ZNF264: variants seen among roughly 807,000 people sequenced by gnomAD.
ZNF264 encodes the protein zinc finger protein 264.
A neutral mutation model predicts 11.2 loss-of-function variants in ZNF264; 11 were observed. The ratio of observed to expected loss-of-function variants is 0.98; its 90% CI spans 0.62 to 1.63. The LOEUF is 1.63. Ranked by LOEUF, ZNF264 falls within the 40% of genes most tolerant of loss-of-function variation. The pLI, the probability that ZNF264 is intolerant of heterozygous loss-of-function variation, is 0.00. For synonymous variants in ZNF264, 309 were observed against 279.8 expected (o/e 1.10, Z -1.04); for missense variants, 752 against 768.1 (o/e 0.98, Z 0.25).
At chr19:57,192,083 A>C in intron 1 of ZNF264, 137 bp downstream of exon 1, 1 of 878,588 alleles carries the variant, frequency 1.1e-6, no homozygotes, top group Non-Finnish European at 1.6e-6. Flanking sequence ...CTGGTTTGCC[A>C]CTTAATTTAT....
intron 2 of ZNF264, among the ~76,000 whole-genome samples, chr19:57,201,673 C>T (rs1041885308): frequency 1.3e-5 from 2 of 151,886 alleles, no homozygotes; most frequent in South Asian, 2.1e-4. Flanking sequence ...ACTGCCCTTG[C>T]GTATCTAGAC....
Position 57,212,693 on chromosome 19 carries a change from C to G in ZNF264, c.1596C>G (p.Ile532Met), listed in dbSNP as rs372147308. 8.1e-6 allele frequency: 13 copies of G among 1,613,876 alleles called. No individual in the cohort carries two copies. The highest frequency in any genetic ancestry group is 1.3e-5 in the African/African-American group (1 of 74,856). The change falls in exon 4 of 4, where the codon ATC (isoleucine) becomes ATG (methionine). Residue 532 changes from isoleucine (I) to methionine (M), a missense_variant. Coordinates refer to ENST00000263095, the MANE Select transcript of ZNF264 (RefSeq NM_003417.5). ...WSTNLIRHAI[I>M]HTGEKPYKCS... ...CAAACCTCATTCGACATGCCATTAT[C>G]CACACTGGAGAGAAGCCCTATAAAT... is the stretch of plus-strand genomic sequence containing the variant.
At position 57,191,832 on chromosome 19, in the gene ZNF264, C is replaced by CG. The variant is rs985419107; in HGVS notation, c.-80dup. On this transcript the variant is annotated 5_prime_UTR_variant, in exon 1 of 4. Transcript: ENST00000263095. Reference sequence around the variant, plus strand: ...AGCGCGCCTGGAAGCCCCGGGCAACCGGCCAGGGTCGGGCACAGGTGGGGT... The same window carrying CG: ...AGCGCGCCTGGAAGCCCCGGGCAACCGGGCCAGGGTCGGGCACAGGTGGGGT... 18 of 1,155,354 alleles carry CG rather than the reference C, an allele frequency of 1.6e-5. No individual in the cohort carries two copies. The African/African-American group carries it at 2.9e-4, about 18-fold the overall frequency. 71.6% of individuals were successfully genotyped at this position (1,155,354 alleles called of 1,614,324 possible).
At chr19:57,193,833 C>A in intron 1 of ZNF264, 42 bp from the exon 2 acceptor site, 1 of 1,608,018 alleles carries the variant, frequency 6.2e-7, no homozygotes, top group Non-Finnish European at 8.5e-7. Flanking sequence ...TCTCATTCAG[C>A]AGCTGAAAGG....
chr19:57,212,812 T>C lies in ZNF264; in HGVS notation c.1715T>C (p.Val572Ala), dbSNP rs1195546022. 1 of 1,614,046 alleles carries C rather than the reference T, an allele frequency of 6.2e-7. No individual in the cohort carries two copies. Among genetic ancestry groups the C allele is most frequent in the Non-Finnish European group, 8.5e-7 (1 of 1,180,038 alleles). ...TGKNPISVTD[V>A]GRPFTSGQTS... Reference sequence around the variant, plus strand: ...AAAAATCCCATCAGTGTAACAGATGTGGGAAGACCTTTTACAAGTGGACAA... The same window carrying C: ...AAAAATCCCATCAGTGTAACAGATGCGGGAAGACCTTTTACAAGTGGACAA... Residue 572 changes from valine (V) to alanine (A), a missense_variant, in exon 4 of 4, where the codon GTG (valine) becomes GCG (alanine). Physicochemically the swap from Val to Ala is moderately conservative, Grantham distance 64. Coordinates refer to ENST00000263095, the MANE Select transcript of ZNF264 (RefSeq NM_003417.5).
intron 2 of ZNF264, among the ~76,000 whole-genome samples, chr19:57,195,567 C>G (rs59871605): frequency 1.4e-4 from 22 of 152,118 alleles, no homozygotes; most frequent in African/African-American, 5.1e-4. Flanking sequence ...GTAGTCCTGC[C>G]TGGATTGGGC....
chr19:57,208,757 A>G (rs907253925), intron 3 of ZNF264, among the ~76,000 whole-genome samples: 20 of 152,184 alleles, frequency 1.3e-4, no homozygotes, highest in African/African-American at 4.6e-4. Flanking sequence ...TTGCAAGATC[A>G]TTCCCTTTGT....
In ZNF264 at chr19:57,213,278, G is replaced by T; in HGVS notation, c.*297G>T. On this transcript the variant is annotated 3_prime_UTR_variant, in exon 4 of 4. Coordinates refer to ENST00000263095, the MANE Select transcript of ZNF264 (RefSeq NM_003417.5). ...TGTCATGGATTTCTTAGTGTATTTG[G>T]GGGAAGGGAAATGTTTCAAGGTAAA... 3.8e-6 allele frequency: 1 copy of T among 261,520 alleles called. No individual in the cohort carries two copies. Among genetic ancestry groups the T allele is most frequent in the Non-Finnish European group, 7.3e-6 (1 of 136,142 alleles). The allele number at this position is 261,520 out of a possible 1,614,324, so 16.2% of individuals were successfully genotyped here.
chr19:57,207,814 C>T (rs1228396812), intron 3 of ZNF264, among the ~76,000 whole-genome samples: 2 of 151,262 alleles, frequency 1.3e-5, no homozygotes, highest in Non-Finnish European at 2.9e-5. Context: ...GCAACCTCCG[C>T]CTCCCAGGTT....
In ZNF264 at chr19:57,219,642, G is replaced by T. The variant is rs1218989160; in HGVS notation, c.*6661G>T. On this transcript the variant is annotated 3_prime_UTR_variant, in exon 4 of 4. Coordinates refer to ENST00000263095, the MANE Select transcript of ZNF264 (RefSeq NM_003417.5). Reference sequence around the variant, plus strand: ...AGTTGCTGTCTTTCTCCTCCAGAGGGTCTGTGTCTTCCTTCCAACTCTTAA... The same window carrying T: ...AGTTGCTGTCTTTCTCCTCCAGAGGTTCTGTGTCTTCCTTCCAACTCTTAA... 1.3e-5 allele frequency: 2 copies of T among 152,252 alleles called. No individual in the cohort carries two copies. Among genetic ancestry groups the T allele is most frequent in the East Asian group, 3.8e-4 (2 of 5,202 alleles). The allele number at this position is 152,252 out of a possible 1,614,324, so 9.4% of individuals were successfully genotyped here. A position where few individuals can be genotyped will look rare whatever the true frequency, so the allele number is the denominator to read the frequency against.
rs999935865 is a variant in ZNF264, at chr19:57,214,883, C to G, written c.*1902C>G. ...GATCAAGTTTTGAATATTGAGCCAG[C>G]CTTGCATCCTTAGAATAAACCATAC... On this transcript the variant is annotated 3_prime_UTR_variant, in exon 4 of 4. Transcript: ENST00000263095. 2.0e-5 allele frequency: 3 copies of G among 152,122 alleles called. No individual in the cohort carries two copies. Among genetic ancestry groups the G allele is most frequent in the African/African-American group, 7.2e-5 (3 of 41,396 alleles). 9.4% of individuals were successfully genotyped at this position (152,122 alleles called of 1,614,324 possible). A position where few individuals can be genotyped will look rare whatever the true frequency, so the allele number is the denominator to read the frequency against.
At chr19:57,207,811 C>G (rs2087304814) in intron 3 of ZNF264, among the ~76,000 whole-genome samples, 3 of 151,486 alleles carry the variant, frequency 2.0e-5, no homozygotes, top group Middle Eastern at 3.5e-3. Context: ...ACTGCAACCT[C>G]CGCCTCCCAG....
intron 1 of ZNF264, 137 bp downstream of exon 1, chr19:57,192,083 A>G: frequency 1.1e-6 from 1 of 878,588 alleles, no homozygotes; most frequent in East Asian, 3.3e-5. Context: ...CTGGTTTGCC[A>G]CTTAATTTAT....
chr19:57,193,571 T>C, intron 1 of ZNF264: 3 of 981,210 alleles, frequency 3.1e-6, no homozygotes, highest in Non-Finnish European at 3.6e-6. Context: ...ATTGCTATTA[T>C]TACCATTTCC....
At chr19:57,203,156 T>C (rs2087265842) in intron 2 of ZNF264, among the ~76,000 whole-genome samples, 1 of 152,186 alleles carries the variant, frequency 6.6e-6, no homozygotes, top group African/African-American at 2.4e-5. Flanking sequence ...GTAAACAGTT[T>C]AGAGCTGGCT....
At chr19:57,195,569 G>A (rs1270885992) in intron 2 of ZNF264, among the ~76,000 whole-genome samples, 1 of 149,546 alleles carries the variant, frequency 6.7e-6, no homozygotes, top group African/African-American at 2.6e-5. Context: ...AGTCCTGCCT[G>A]GATTGGGCTG....
rs370624630 is a variant in ZNF264, at chr19:57,219,754, A to G, written c.*6773A>G. ...GAATGAGATGGTTCCTGCTGAAGAC[A>G]TTTACTTTCAATGATCTACAGAATT... On this transcript the variant is annotated 3_prime_UTR_variant, in exon 4 of 4. Transcript: ENST00000263095. 6.6e-6 allele frequency: 1 copy of G among 152,194 alleles called. No homozygotes were observed. Among genetic ancestry groups the G allele is most frequent in the South Asian group, 2.1e-4 (1 of 4,832 alleles). 9.4% of individuals were successfully genotyped at this position (152,194 alleles called of 1,614,324 possible).
At chr19:57,194,985 C>T (rs1013417081) in intron 2 of ZNF264, 1 of 385,318 alleles carries the variant, frequency 2.6e-6, no homozygotes, top group African/African-American at 2.1e-5. Flanking sequence ...GTGTCCGTTT[C>T]AAGTGTTTGG....
chr19:57,207,430 T>C (rs1294789242), intron 3 of ZNF264, among the ~76,000 whole-genome samples: 1 of 152,162 alleles, frequency 6.6e-6, no homozygotes, highest in Non-Finnish European at 1.5e-5. Context: ...CCAATTCCTA[T>C]ACCAGGGTCT....
Sources: gnomAD v4.1 joint callset for allele counts (sites outside exome capture counted in the v4.1 genomes callset) on GRCh38, gnomAD v4.1.1 for gene constraint, MANE v1.5 for transcripts, NCBI Gene and HGNC (gene_info 2026-07-23, HGNC 2026-07-21) for gene names.